Variants in TBC1D19 observed in about 807,000 individuals in gnomAD.
TBC1D19 encodes the protein TBC1 domain family member 19.
In TBC1D19, 60 loss-of-function variants were observed where a neutral mutation model predicts 89.0. The ratio of observed to expected loss-of-function variants is 0.67; its 90% CI spans 0.55 to 0.84. TBC1D19 has a LOEUF of 0.84. TBC1D19 is among the 40% of genes least tolerant of loss of function. The probability of loss-of-function intolerance (pLI) is 0.00; values close to 1 mark genes in which losing one functional copy is unlikely to be tolerated. For missense variants in TBC1D19, 500 were observed against 610.8 expected (o/e 0.82, Z 1.91); for synonymous variants, 189 against 199.7 (o/e 0.95, Z 0.45).
At chr4:26,828,863 G>A in the TBC1D19 span, among the ~76,000 whole-genome samples, 1 of 152,240 alleles carries the variant, frequency 6.6e-6, no homozygotes, top group Non-Finnish European at 1.5e-5. Flanking sequence ...TCATTGGTAG[G>A]CACTGAGTAC....
In TBC1D19 at chr4:26,673,738, C is replaced by G. The variant is rs374696820; in HGVS notation, c.704-38C>G. On this transcript the variant is annotated intron_variant, in intron 10 of 20. Transcript: ENST00000264866. ...AGATTTCAGTGATGTTTCTTACATT[C>G]TGAGTTTTCAAAGGAGATTTTCATA... The G allele has an allele frequency of 3.5e-5, 47 of 1,324,368 alleles. No individual in the cohort carries two copies. In the East Asian group the frequency reaches 8.7e-4, roughly 24 times the overall value. 82.0% of individuals were successfully genotyped at this position (1,324,368 alleles called of 1,614,324 possible).
At chr4:26,605,661 G>A (rs533603072) in intron 1 of TBC1D19, among the ~76,000 whole-genome samples, 48 of 152,264 alleles carry the variant, frequency 3.2e-4, no homozygotes, top group African/African-American at 9.6e-4. Context: ...CTAGTTTACA[G>A]TCCCACCAAC....
intron 3 of TBC1D19, among the ~76,000 whole-genome samples, chr4:26,618,110 G>A (rs951330270): frequency 6.6e-6 from 1 of 152,162 alleles, no homozygotes; most frequent in African/African-American, 2.4e-5. Context: ...AAATGCTACT[G>A]TATGTTTGCT....
At chr4:26,716,258 A>T (rs1423263525) in intron 13 of TBC1D19, among the ~76,000 whole-genome samples, 5 of 152,144 alleles carry the variant, frequency 3.3e-5, no homozygotes, top group Non-Finnish European at 5.9e-5. Flanking sequence ...AGAATTAGTG[A>T]ACTGACTAAA....
chr4:26,714,496 CT>C (rs978323635), intron 13 of TBC1D19, among the ~76,000 whole-genome samples: 13 of 152,014 alleles, frequency 8.6e-5, no homozygotes, highest in African/African-American at 3.1e-4. Context: ...TTCATTTTTG[CT>C]GTTTCTTCAC....
chr4:26,815,081 T>C, the TBC1D19 span, among the ~76,000 whole-genome samples: 52 of 152,114 alleles, frequency 3.4e-4, no homozygotes, highest in African/African-American at 1.2e-3. Context: ...AAAGCAATAA[T>C]TTTTAATAAC....
the TBC1D19 span, among the ~76,000 whole-genome samples, chr4:26,829,738 G>GT: frequency 6.7e-3 from 1,019 of 152,324 alleles, 8 homozygotes; most frequent in Non-Finnish European, 0.011. Context: ...TTGTTCATTT[G>GT]TTTTTTACCT....
At chr4:26,582,575 T>C (rs1739117876), upstream of TBC1D19, among the ~76,000 whole-genome samples, 1 of 152,174 alleles carries the variant, frequency 6.6e-6, no homozygotes, top group Admixed American at 6.5e-5. Context: ...AAGTGAGGTT[T>C]GTGGTGGGAA....
intron 13 of TBC1D19, among the ~76,000 whole-genome samples, chr4:26,709,419 G>C (rs28414180): frequency 0.045 from 6,920 of 152,142 alleles, 542 homozygotes; most frequent in African/African-American, 0.16. Flanking sequence ...GAAGGGGCTT[G>C]CAACAATCAA....
intron 11 of TBC1D19, 88 bp from the exon 12 acceptor site, chr4:26,683,587 T>G (rs1295681271): frequency 9.9e-7 from 1 of 1,010,166 alleles, no homozygotes; most frequent in Admixed American, 2.1e-5. Flanking sequence ...CCCTTCTTAG[T>G]GTTTAGAATA....
intron 7 of TBC1D19, among the ~76,000 whole-genome samples, chr4:26,653,119 T>C (rs1744524357): frequency 1.3e-5 from 2 of 152,238 alleles, no homozygotes; most frequent in Non-Finnish European, 2.9e-5. Context: ...CTTCATTTCG[T>C]TATGTACCCA....
intron 1 of TBC1D19, among the ~76,000 whole-genome samples, chr4:26,591,715 C>T (rs1294914551): frequency 4.6e-5 from 7 of 152,158 alleles, no homozygotes; most frequent in African/African-American, 1.2e-4. Flanking sequence ...AACACATCTA[C>T]GCAAATAAAC....
upstream of TBC1D19, among the ~76,000 whole-genome samples, chr4:26,581,541 G>T (rs568541209): frequency 6.6e-6 from 1 of 152,328 alleles, no homozygotes; most frequent in African/African-American, 2.4e-5. Context: ...GCCTGCAAAG[G>T]CCATGAACTC....
At chr4:26,832,724 C>A in the TBC1D19 span, among the ~76,000 whole-genome samples, 1 of 152,046 alleles carries the variant, frequency 6.6e-6, no homozygotes, top group African/African-American at 2.4e-5. Flanking sequence ...TGAAAACATA[C>A]CCCCTCGACT....
intron 7 of TBC1D19, among the ~76,000 whole-genome samples, chr4:26,654,117 T>C (rs1744612013): frequency 6.6e-6 from 1 of 152,198 alleles, no homozygotes; most frequent in Non-Finnish European, 1.5e-5. Context: ...GGATTTTATT[T>C]CTCCTTCACT....
intron 3 of TBC1D19, among the ~76,000 whole-genome samples, chr4:26,618,514 C>T (rs1273763277): frequency 6.6e-6 from 1 of 152,054 alleles, no homozygotes; most frequent in Non-Finnish European, 1.5e-5. Flanking sequence ...TGGCTAAGGA[C>T]GATTCTAGAT....
intron 16 of TBC1D19, among the ~76,000 whole-genome samples, chr4:26,737,966 G>A (rs1718140657): frequency 6.6e-6 from 1 of 151,680 alleles, no homozygotes; most frequent in Admixed American, 6.6e-5. Flanking sequence ...TTTTATTGTA[G>A]GTGTATAGTA....
chr4:26,824,375 A>G, the TBC1D19 span, among the ~76,000 whole-genome samples: 2 of 152,252 alleles, frequency 1.3e-5, no homozygotes, highest in Non-Finnish European at 2.9e-5. Flanking sequence ...TAACACAGAT[A>G]TGAAGTATCT....
chr4:26,608,834 A>C (rs1371013717), intron 1 of TBC1D19, among the ~76,000 whole-genome samples: 1 of 151,250 alleles, frequency 6.6e-6, no homozygotes, highest in Admixed American at 6.6e-5. Context: ...GGGGGGAGGA[A>C]ATTGGGTAAA....
Sources: gnomAD v4.1 joint callset for allele counts (sites outside exome capture counted in the v4.1 genomes callset) on GRCh38, gnomAD v4.1.1 for gene constraint, MANE v1.5 for transcripts, NCBI Gene and HGNC (gene_info 2026-07-23, HGNC 2026-07-21) for gene names.